DACH2: variants seen among roughly 807,000 people sequenced by gnomAD.
DACH2 encodes the protein dachshund family transcription factor 2, also known as dachshund homolog 2.
A neutral mutation model predicts 35.8 loss-of-function variants in DACH2; 17 were observed. That is an observed-to-expected ratio of 0.48 (90% CI 0.33 to 0.71). DACH2 has a LOEUF of 0.71. Ranked by LOEUF, DACH2 falls within the 30% of genes least tolerant of loss-of-function variation. The pLI is 0.02. For synonymous variants in DACH2, 195 were observed against 177.3 expected, an observed-to-expected ratio of 1.10 and a Z score of -0.79; for missense variants, 469 against 472.7, an observed-to-expected ratio of 0.99 and a Z score of 0.07.
chrX:86,291,165 T>C (rs1388871486), intron 1 of DACH2, among the ~76,000 whole-genome samples: 1 of 108,730 alleles, frequency 9.2e-6, no homozygotes, highest in East Asian at 2.9e-4. Flanking sequence ...GATTCCTAGG[T>C]ATTTTATTCT....
At chrX:86,276,137 A>G (rs1040996110) in intron 1 of DACH2, among the ~76,000 whole-genome samples, 1 of 112,051 alleles carries the variant, frequency 8.9e-6, no homozygotes, top group African/African-American at 3.2e-5. Context: ...GTACTAATTT[A>G]CATTCCCACC....
chrX:86,710,057 T>TATACAC (rs1402230519), intron 5 of DACH2, among the ~76,000 whole-genome samples: 1 of 112,093 alleles, frequency 8.9e-6, no homozygotes, highest in South Asian at 3.7e-4. Context: ...CACAAAAACC[T>TATACAC]ATACACCAAA....
At chrX:86,286,714 G>A (rs58986003) in intron 1 of DACH2, among the ~76,000 whole-genome samples, 48,828 of 105,656 alleles carry the variant, frequency 0.46, 8,104 homozygotes, top group South Asian at 0.57. Flanking sequence ...CACTGTTTGC[G>A]TAAACTTGCA....
chrX:86,518,427 A>C (rs2038504084), intron 3 of DACH2, among the ~76,000 whole-genome samples: 1 of 111,882 alleles, frequency 8.9e-6, no homozygotes, highest in Admixed American at 9.5e-5. Flanking sequence ...TTCTAGTTCT[A>C]TGAAGAATGC....
chrX:86,610,536 A>G (rs1464363171), intron 3 of DACH2, among the ~76,000 whole-genome samples: 1 of 108,177 alleles, frequency 9.2e-6, no homozygotes, highest in Non-Finnish European at 1.9e-5. Flanking sequence ...TGCCAGGCTC[A>G]AGCCATCCTT....
At chrX:86,451,253 C>A (rs914890335) in intron 2 of DACH2, among the ~76,000 whole-genome samples, 1 of 111,493 alleles carries the variant, frequency 9.0e-6, no homozygotes, top group Non-Finnish European at 1.9e-5. Context: ...AAGGAAGGGG[C>A]CTGGTTTCAA....
At position 86,441,855 on chromosome X, in the gene DACH2, A is replaced by ATG. The variant is rs751065507; in HGVS notation, c.527+65007_527+65008dup. Among the ~76,000 whole-genome samples the ATG allele has an allele frequency of 4.6e-3, 447 of 96,508 alleles. 1 individual carries two copies. The highest frequency in any genetic ancestry group is 6.4e-3 in the Non-Finnish European group (306 of 47,801). 83.8% of individuals were successfully genotyped at this position (96,508 alleles called of 115,157 possible). ...TATTATTATATATATTATACTATAT[A>ATG]TGTGTGTGTGTGTGTATATATATAT... On this transcript the variant is annotated intron_variant, in intron 2 of 11. Coordinates refer to ENST00000373125, the MANE Select transcript of DACH2 (RefSeq NM_053281.3).
At chrX:86,656,855 GTGTATATA>G (rs201135575) in intron 4 of DACH2, among the ~76,000 whole-genome samples, 2,629 of 61,964 alleles carry the variant, frequency 0.042, 143 homozygotes, top group African/African-American at 0.18. Context: ...ATGTGTGTGT[GTGTATATA>G]TATATATATA....
chrX:86,257,315 T>C (rs2033540581), intron 1 of DACH2, among the ~76,000 whole-genome samples: 1 of 112,496 alleles, frequency 8.9e-6, no homozygotes, highest in South Asian at 3.7e-4. Flanking sequence ...AACCTACTTT[T>C]GGGGTGTCTT....
chrX:86,535,576 G>A (rs1392464614), intron 3 of DACH2, among the ~76,000 whole-genome samples: 1 of 111,027 alleles, frequency 9.0e-6, no homozygotes, highest in East Asian at 2.8e-4. Flanking sequence ...ACACACTGTA[G>A]CAATAAGATA....
intron 2 of DACH2, among the ~76,000 whole-genome samples, chrX:86,507,327 A>G (rs1051624496): frequency 9.0e-6 from 1 of 111,168 alleles, no homozygotes; most frequent in African/African-American, 3.3e-5. Context: ...TATTGATGAG[A>G]CTTCATTTAT....
At chrX:86,775,907 G>A (rs1458672714) in intron 7 of DACH2, among the ~76,000 whole-genome samples, 1 of 111,667 alleles carries the variant, frequency 9.0e-6, no homozygotes, top group Non-Finnish European at 1.9e-5. Context: ...TTATCAGGTA[G>A]ATACTATTGT....
At chrX:86,589,976 G>T (rs6617245) in intron 3 of DACH2, among the ~76,000 whole-genome samples, 44,758 of 110,407 alleles carry the variant, frequency 0.41, 8,274 homozygotes, top group African/African-American at 0.73. Context: ...AGTATTGAAA[G>T]ATCAAAGAGA....
At chrX:86,688,775 C>A (rs1171502997) in intron 4 of DACH2, among the ~76,000 whole-genome samples, 1 of 111,899 alleles carries the variant, frequency 8.9e-6, no homozygotes, top group African/African-American at 3.2e-5. Context: ...AACTGCTTAT[C>A]CTCTAGGATA....
Position 86,502,209 on chromosome X carries a change from G to A in DACH2, c.528-12070G>A, listed in dbSNP as rs2038262032. The stretch of plus-strand genomic sequence containing the variant: ...TAATGGTTTACAACAGGTAGAGTAG[G>A]ACAAACTGCTCACTTTACCATGGTG... On this transcript the variant is annotated intron_variant, in intron 2 of 11. Coordinates refer to ENST00000373125, the MANE Select transcript of DACH2 (RefSeq NM_053281.3). Among the ~76,000 whole-genome samples, 3 of 111,397 alleles carry A rather than the reference G, an allele frequency of 2.7e-5. No individual in the cohort carries two copies. In the Admixed American group the frequency reaches 2.9e-4, roughly 11 times the overall value.
At chrX:86,339,767 C>A (rs746699497) in intron 1 of DACH2, among the ~76,000 whole-genome samples, 1 of 112,021 alleles carries the variant, frequency 8.9e-6, no homozygotes, top group East Asian at 2.8e-4. Context: ...GTCTGAAGAT[C>A]TGCAATAGTT....
At chrX:86,750,865 T>C (rs777026353) in intron 7 of DACH2, among the ~76,000 whole-genome samples, 1 of 111,968 alleles carries the variant, frequency 8.9e-6, no homozygotes, top group African/African-American at 3.2e-5. Flanking sequence ...GTTATTTCCA[T>C]GTATTTGTTA....
At chrX:86,807,693 G>T (rs1027806936) in intron 7 of DACH2, among the ~76,000 whole-genome samples, 4 of 111,822 alleles carry the variant, frequency 3.6e-5, no homozygotes. Context: ...AAAAGATTTA[G>T]CAAGTTAAAA....
At chrX:86,410,532 G>T (rs946765298) in intron 2 of DACH2, among the ~76,000 whole-genome samples, 2 of 111,324 alleles carry the variant, frequency 1.8e-5, no homozygotes, top group Non-Finnish European at 3.8e-5. Context: ...CACTCTGGGG[G>T]TACAGGGGAA....
Sources: allele counts gnomAD v4.1 joint callset (sites outside exome capture counted in the v4.1 genomes callset), GRCh38; gene constraint gnomAD v4.1.1; transcripts MANE v1.5; gene names NCBI Gene and HGNC (gene_info 2026-07-23, HGNC 2026-07-21).